Variants in CREBL2 observed in about 807,000 individuals in gnomAD.
CREBL2 encodes the protein cAMP responsive element binding protein like 2.
In CREBL2, 4 loss-of-function variants were observed where a neutral mutation model predicts 19.5. The observed-to-expected ratio is 0.20, with a 90% CI of 0.10 to 0.47. The LOEUF is 0.47. Ranked by LOEUF, CREBL2 falls within the 20% of genes least tolerant of loss-of-function variation. The pLI is 0.98. For synonymous variants in CREBL2, 42 were observed against 46.6 expected, an observed-to-expected ratio of 0.90 and a Z score of 0.40; for missense variants, 85 against 145.1, an observed-to-expected ratio of 0.59 and a Z score of 2.13.
rs140007608 is a variant in CREBL2, at chr12:12,639,871, G to A, written c.359-2123G>A. On this transcript the variant is annotated intron_variant, in intron 3 of 3. Transcript: ENST00000228865. ...TATTAAGGGTTTCAAAAGGGGAGGT[G>A]GTGTAAGAACAGGGAGTAGGCACAA... is the stretch of plus-strand genomic sequence containing the variant. 9.7e-4 allele frequency among the ~76,000 whole-genome samples: 148 copies of A among 152,234 alleles called. 3 individuals are homozygous for A. In the East Asian group the frequency reaches 0.023, roughly 23 times the overall value.
intron 1 of CREBL2, among the ~76,000 whole-genome samples, chr12:12,632,320 G>A (rs529344891): frequency 1.2e-4 from 18 of 151,414 alleles, no homozygotes; most frequent in African/African-American, 3.1e-4. Flanking sequence ...CTCGTGATCC[G>A]CCCGCCTCGG....
chr12:12,643,521 T>G lies in CREBL2; in HGVS notation c.*1523T>G, dbSNP rs921233549. 4 of 152,506 alleles carry G rather than the reference T, an allele frequency of 2.6e-5. No individual in the cohort carries two copies. Among genetic ancestry groups the G allele is most frequent in the Non-Finnish European group, 4.4e-5 (3 of 68,034 alleles). 9.4% of individuals were successfully genotyped at this position (152,506 alleles called of 1,614,324 possible). A position where few individuals can be genotyped will look rare whatever the true frequency, so the allele number is the denominator to read the frequency against. On this transcript the variant is annotated 3_prime_UTR_variant, in exon 4 of 4. Coordinates refer to ENST00000228865, the MANE Select transcript of CREBL2 (RefSeq NM_001310.4). Reference sequence around the variant, plus strand: ...GAGATACCGTAGTCTAGATTGTCTTTGAGGTAGAATATATGATGGACCACA... The same window carrying G: ...GAGATACCGTAGTCTAGATTGTCTTGGAGGTAGAATATATGATGGACCACA...
At chr12:12,621,457 GT>G (rs1945358964) in intron 1 of CREBL2, among the ~76,000 whole-genome samples, 1 of 150,578 alleles carries the variant, frequency 6.6e-6, no homozygotes, top group African/African-American at 2.4e-5. Context: ...GGCAGAGGCT[GT>G]GGTGAGCTGA....
rs1282493644 is a variant in CREBL2 at position 12,611,910 on chromosome 12, C to G, written c.-263C>G. On this transcript the variant is annotated 5_prime_UTR_variant, in exon 1 of 4. Coordinates refer to ENST00000228865, the MANE Select transcript of CREBL2 (RefSeq NM_001310.4). ...GGCTCTCCAGAGCGTCTGTAAACAC[C>G]CAGAGACTGTCATGGAGGGGGAGGA... 1.1e-5 allele frequency: 6 copies of G among 568,030 alleles called. No homozygotes were observed. Among genetic ancestry groups the G allele is most frequent in the Non-Finnish European group, 1.9e-5 (6 of 321,450 alleles). The allele number at this position is 568,030 out of a possible 1,614,324, so 35.2% of individuals were successfully genotyped here.
chr12:12,641,265 T>TATTATTA (rs1385702467), intron 3 of CREBL2, among the ~76,000 whole-genome samples: 1 of 130,914 alleles, frequency 7.6e-6, no homozygotes, highest in African/African-American at 2.9e-5. Context: ...TTTTTTTTAT[T>TATTATTA]TTTTTTTTTT....
At chr12:12,640,012 C>A (rs1945505590) in intron 3 of CREBL2, among the ~76,000 whole-genome samples, 2 of 151,984 alleles carry the variant, frequency 1.3e-5, no homozygotes, top group Non-Finnish European at 2.9e-5. Context: ...AAGGGTCCAA[C>A]AAAGATCACA....
chr12:12,625,782 G>A (rs1181447863), intron 1 of CREBL2, among the ~76,000 whole-genome samples: 1 of 152,128 alleles, frequency 6.6e-6, no homozygotes, highest in East Asian at 1.9e-4. Flanking sequence ...TCTGCTATCT[G>A]CAATGTTATT....
In CREBL2 at chr12:12,628,823, T is replaced by G. The variant is rs182298815; in HGVS notation, c.16-6954T>G. ...TATGGTACGAGGTAGTGATCCAACT[T>G]AATTATTTTGCAAGTGGCTATCCAC... On this transcript the variant is annotated intron_variant, in intron 1 of 3. Transcript: ENST00000228865. Among the ~76,000 whole-genome samples the G allele has an allele frequency of 1.1e-3, 161 of 152,328 alleles. 1 individual carries two copies. The highest frequency in any genetic ancestry group is 1.9e-3 in the South Asian group (9 of 4,832).
chr12:12,622,788 TA>T (rs1360702660), intron 1 of CREBL2, among the ~76,000 whole-genome samples: 1 of 152,114 alleles, frequency 6.6e-6, no homozygotes, highest in African/African-American at 2.4e-5. Flanking sequence ...TTTAAAGTGG[TA>T]AAGAGCAGTG....
chr12:12,618,425 C>T (rs974444508), intron 1 of CREBL2, among the ~76,000 whole-genome samples: 34 of 151,774 alleles, frequency 2.2e-4, no homozygotes, highest in Admixed American at 8.5e-4. Flanking sequence ...CTCCTCACAT[C>T]CCAGATGGGG....
chr12:12,644,183 G>T lies in CREBL2; in HGVS notation c.*2185G>T, dbSNP rs2136309709. 1 of 152,404 alleles carries T rather than the reference G, an allele frequency of 6.6e-6. No individual in the cohort carries two copies. The highest frequency in any genetic ancestry group is 1.9e-4 in the East Asian group (1 of 5,178). 9.4% of individuals were successfully genotyped at this position (152,404 alleles called of 1,614,324 possible). On this transcript the variant is annotated 3_prime_UTR_variant, in exon 4 of 4. Coordinates refer to ENST00000228865, the MANE Select transcript of CREBL2 (RefSeq NM_001310.4). ...GAAGTTAAATTACAATTTATTTGAG[G>T]TTATTCCTAAACCTATTTATTTGGT...
At chr12:12,623,080 C>G (rs1411371212) in intron 1 of CREBL2, among the ~76,000 whole-genome samples, 1 of 146,910 alleles carries the variant, frequency 6.8e-6, no homozygotes, top group South Asian at 2.2e-4. Flanking sequence ...TGAGAGGGAG[C>G]ATTTCTTTGT....
In CREBL2 at chr12:12,617,643, C is replaced by CTTTTTTTTTTTTTTTTTTTTTTT. The variant is rs66943066; in HGVS notation, c.15+5472_15+5494dup. On this transcript the variant is annotated intron_variant, in intron 1 of 3. Coordinates refer to ENST00000228865, the MANE Select transcript of CREBL2 (RefSeq NM_001310.4). The stretch of plus-strand genomic sequence containing the variant: ...CCCTGAGATGCTCATTTTAGTAATT[C>CTTTTTTTTTTTTTTTTTTTTTTT]TTTTTTTTTTTTTTTTTTTTTTTTT... 8.0e-4 allele frequency among the ~76,000 whole-genome samples: 31 copies of CTTTTTTTTTTTTTTTTTTTTTTT among 38,766 alleles called. 10 individuals are homozygous for CTTTTTTTTTTTTTTTTTTTTTTT. The highest frequency in any genetic ancestry group is 1.3e-3 in the Non-Finnish European group (25 of 18,568). The allele number at this position is 38,766 out of a possible 152,430, so 25.4% of individuals were successfully genotyped here.
intron 1 of CREBL2, among the ~76,000 whole-genome samples, chr12:12,631,093 G>A (rs1945439258): frequency 6.6e-6 from 1 of 152,314 alleles, no homozygotes; most frequent in South Asian, 2.1e-4. Flanking sequence ...GGGACCTTTA[G>A]TCTTGCTTGT....
chr12:12,625,478 A>G (rs1945395082), intron 1 of CREBL2, among the ~76,000 whole-genome samples: 1 of 152,252 alleles, frequency 6.6e-6, no homozygotes, highest in African/African-American at 2.4e-5. Context: ...GAATGACTGT[A>G]TAGCATAAAT....
At chr12:12,633,945 C>T (rs1338629554) in intron 1 of CREBL2, among the ~76,000 whole-genome samples, 1 of 152,100 alleles carries the variant, frequency 6.6e-6, no homozygotes, top group Admixed American at 6.5e-5. Context: ...ATATTCCTGT[C>T]AGGACACTAA....
chr12:12,632,294 G>GT (rs1419341542), intron 1 of CREBL2, among the ~76,000 whole-genome samples: 3 of 151,290 alleles, frequency 2.0e-5, no homozygotes, highest in Non-Finnish European at 4.4e-5. Context: ...AGTCAGGATG[G>GT]TCTCGATCTC....
intron 1 of CREBL2, among the ~76,000 whole-genome samples, chr12:12,621,734 G>A (rs757265906): frequency 3.9e-5 from 6 of 152,118 alleles, no homozygotes; most frequent in Non-Finnish European, 7.4e-5. Flanking sequence ...GAGACCTGGT[G>A]AATCAGATTC....
At position 12,642,663 on chromosome 12, in the gene CREBL2, A is replaced by G. The variant is rs780681312; in HGVS notation, c.*665A>G. Reference sequence around the variant, plus strand: ...ACAATATCTATCAGGAAAACCCTCAAGACAGCTTCTAGTTAAAACCTTTGT... The same window carrying G: ...ACAATATCTATCAGGAAAACCCTCAGGACAGCTTCTAGTTAAAACCTTTGT... On this transcript the variant is annotated 3_prime_UTR_variant, in exon 4 of 4. Coordinates refer to ENST00000228865, the MANE Select transcript of CREBL2 (RefSeq NM_001310.4). 3 of 152,262 alleles carry G rather than the reference A, an allele frequency of 2.0e-5. No homozygotes were observed. Among genetic ancestry groups the G allele is most frequent in the African/African-American group, 7.2e-5 (3 of 41,474 alleles). The allele number at this position is 152,262 out of a possible 1,614,324, so 9.4% of individuals were successfully genotyped here.
Sources: gnomAD v4.1 joint callset for allele counts (sites outside exome capture counted in the v4.1 genomes callset) on GRCh38, gnomAD v4.1.1 for gene constraint, MANE v1.5 for transcripts, NCBI Gene and HGNC (gene_info 2026-07-23, HGNC 2026-07-21) for gene names.